RAPH1: variants seen among roughly 807,000 people sequenced by gnomAD.
RAPH1 encodes ras-associated and pleckstrin homology domains-containing protein 1.
Under a neutral mutation model 88.1 loss-of-function variants are expected in RAPH1, and 18 were observed. The observed-to-expected ratio is 0.20, with a 90% CI of 0.14 to 0.30. The LOEUF (loss-of-function observed/expected upper bound fraction) is 0.30. Ranked by LOEUF, RAPH1 falls within the 10% of genes least tolerant of loss-of-function variation. RAPH1 has a pLI of 1.00. For synonymous variants in RAPH1, 587 were observed against 559.0 expected (o/e 1.05, Z -0.71); for missense variants, 1,448 against 1,543.2 (o/e 0.94, Z 1.03).
At chr2:203,495,506 T>G (rs1387466204) in intron 1 of RAPH1, among the ~76,000 whole-genome samples, 153 bp from the exon 2 acceptor site, 1 of 152,228 alleles carries the variant, frequency 6.6e-6, no homozygotes, top group Admixed American at 6.5e-5. Context: ...AAGTCATTAA[T>G]GGAGACAGTG....
chr2:203,440,741 G>C lies in RAPH1; in HGVS notation c.2449C>G (p.Pro817Ala). Residue 817 changes from proline (P) to alanine (A), a missense_variant, in exon 14 of 14, where the codon CCA becomes GCA. Pro to Ala is a conservative substitution (Grantham distance 27). Transcript: ENST00000319170. ...GGAATGTAAGAAGCAGGGAAAGCTG[G>C]CTGCTTTTTTGCTGGGGGCACTGGA... The part of the protein sequence containing the change: ...TPPVPPAKKQ[P>A]AFPASYIPPS... The C allele has an allele frequency of 1.2e-6, 2 of 1,610,030 alleles. No individual in the cohort carries two copies. Among genetic ancestry groups the C allele is most frequent in the Non-Finnish European group, 8.5e-7 (1 of 1,177,718 alleles).
intron 10 of RAPH1, among the ~76,000 whole-genome samples, chr2:203,451,067 A>C (rs1047089013): frequency 1.5e-4 from 23 of 152,308 alleles, no homozygotes; most frequent in Middle Eastern, 3.4e-3. Context: ...CTAGTTTAAA[A>C]TTCCTTTTAG....
chr2:203,455,327 C>T, intron 9 of RAPH1, 110 bp downstream of exon 9: 3 of 1,018,328 alleles, frequency 2.9e-6, no homozygotes, highest in Non-Finnish European at 4.3e-6. Context: ...TCTATGTCTT[C>T]CACGAACTGA....
chr2:203,525,491 A>G (rs13030374), intron 1 of RAPH1, among the ~76,000 whole-genome samples: 2,082 of 152,242 alleles, frequency 0.014, 20 homozygotes, highest in Non-Finnish European at 0.023. Context: ...CCATATTAAC[A>G]TATTCATACA....
At chr2:203,507,599 T>C (rs1689146512) in intron 1 of RAPH1, among the ~76,000 whole-genome samples, 1 of 152,166 alleles carries the variant, frequency 6.6e-6, no homozygotes, top group African/African-American at 2.4e-5. Context: ...AAAAATGCAG[T>C]ACCTGAATCA....
At position 203,506,893 on chromosome 2, in the gene RAPH1, T is replaced by G. The variant is rs1276273894; in HGVS notation, c.1-11540A>C. ...ATATATATATATAGATATATATATA[T>G]ATATATTTTTTTTTTTTTTGAGATG... On this transcript the variant is annotated intron_variant, in intron 1 of 13. Coordinates refer to ENST00000319170, the MANE Select transcript of RAPH1 (RefSeq NM_213589.3). Among the ~76,000 whole-genome samples the G allele has an allele frequency of 1.6e-3, 167 of 102,988 alleles. 4 individuals are homozygous for G. Among genetic ancestry groups the G allele is most frequent in the Non-Finnish European group, 2.6e-3 (137 of 53,472 alleles). The allele number at this position is 102,988 out of a possible 152,430, so 67.6% of individuals were successfully genotyped here.
At position 203,434,521 on chromosome 2, in the gene RAPH1, TTCCA is replaced by T. The variant is rs1292787742; in HGVS notation, c.*4912_*4915del. On this transcript the variant is annotated 3_prime_UTR_variant, in exon 14 of 14. Coordinates refer to ENST00000319170, the MANE Select transcript of RAPH1 (RefSeq NM_213589.3). Reference sequence around the variant, plus strand: ...AAATGAAGCAAAATTGTTTGAAACATTCCAGTTAATGCTTATTTTCTAGAAGGGG... The same window carrying T: ...AAATGAAGCAAAATTGTTTGAAACATGTTAATGCTTATTTTCTAGAAGGGG... 1.3e-5 allele frequency: 2 copies of T among 151,728 alleles called. No homozygotes were observed. Among genetic ancestry groups the T allele is most frequent in the African/African-American group, 4.9e-5 (2 of 40,978 alleles). 9.4% of individuals were successfully genotyped at this position (151,728 alleles called of 1,614,324 possible).
intron 4 of RAPH1, among the ~76,000 whole-genome samples, chr2:203,470,957 T>C (rs1177532275): frequency 3.3e-5 from 5 of 152,196 alleles, no homozygotes; most frequent in Admixed American, 6.5e-5. Context: ...ATGAACAAAA[T>C]ATTCAGAAGT....
chr2:203,486,254 T>C (rs1329891154), intron 4 of RAPH1, among the ~76,000 whole-genome samples: 2 of 152,222 alleles, frequency 1.3e-5, no homozygotes, highest in Non-Finnish European at 2.9e-5. Flanking sequence ...TTTAAACATA[T>C]ATTCATTCCA....
At chr2:203,452,524 T>TA (rs1318035807) in intron 10 of RAPH1, among the ~76,000 whole-genome samples, 2 of 152,238 alleles carry the variant, frequency 1.3e-5, no homozygotes, top group African/African-American at 4.8e-5. Context: ...AGTATACAAG[T>TA]AATTATGCTT....
At chr2:203,470,439 C>A in intron 4 of RAPH1, 1 of 552,030 alleles carries the variant, frequency 1.8e-6, no homozygotes. Context: ...CATATCTTTT[C>A]CCTAAGTTGA....
Position 203,440,737 on chromosome 2 carries a change from G to A in RAPH1, c.2453C>T (p.Ala818Val), listed in dbSNP as rs1559440739. The A allele has an allele frequency of 5.6e-6, 9 of 1,610,386 alleles. No individual in the cohort carries two copies. Among genetic ancestry groups the A allele is most frequent in the Non-Finnish European group, 7.6e-6 (9 of 1,178,054 alleles). ...GGGTGGAATGTAAGAAGCAGGGAAA[G>A]CTGGCTGCTTTTTTGCTGGGGGCAC... ...PPVPPAKKQP[A>V]FPASYIPPSP... Residue 818 changes from alanine (A) to valine (V), a missense_variant, in exon 14 of 14, where the codon GCT becomes GTT. Ala to Val is a moderately conservative substitution (Grantham distance 64). Coordinates refer to ENST00000319170, the MANE Select transcript of RAPH1 (RefSeq NM_213589.3).
chr2:203,447,893 A>G, intron 12 of RAPH1, 66 bp downstream of exon 12: 1 of 1,521,342 alleles, frequency 6.6e-7, no homozygotes, highest in South Asian at 1.2e-5. Context: ...TTCCAGGTCT[A>G]CTATCAGTCT....
intron 1 of RAPH1, among the ~76,000 whole-genome samples, chr2:203,534,446 C>T (rs1484527452): frequency 4.1e-5 from 6 of 147,508 alleles, no homozygotes; most frequent in African/African-American, 1.2e-4. Flanking sequence ...AAAACCACAT[C>T]TTTCAACCTG....
At chr2:203,502,866 G>T (rs751712857) in intron 1 of RAPH1, among the ~76,000 whole-genome samples, 1 of 146,004 alleles carries the variant, frequency 6.8e-6, no homozygotes, top group African/African-American at 2.5e-5. Flanking sequence ...GAACCAGGCC[G>T]GGCACAGTGG....
intron 4 of RAPH1, among the ~76,000 whole-genome samples, chr2:203,463,643 G>A (rs1272350942): frequency 1.3e-5 from 2 of 152,118 alleles, no homozygotes; most frequent in Non-Finnish European, 2.9e-5. Context: ...ACTCAATTAG[G>A]CAGAAAACAA....
intron 3 of RAPH1, among the ~76,000 whole-genome samples, chr2:203,490,979 G>A (rs768722483): frequency 2.6e-5 from 4 of 151,356 alleles, no homozygotes; most frequent in Non-Finnish European, 5.9e-5. Context: ...GGGAGGCAGA[G>A]GTTGCAGTGA....
chr2:203,487,913 A>G (rs1185284206), intron 4 of RAPH1, among the ~76,000 whole-genome samples: 1 of 152,256 alleles, frequency 6.6e-6, no homozygotes, highest in Non-Finnish European at 1.5e-5. Flanking sequence ...AAATTAATCC[A>G]AAGAATTAAA....
At chr2:203,442,030 C>T in intron 13 of RAPH1, 2 of 1,570,942 alleles carry the variant, frequency 1.3e-6, no homozygotes, top group Non-Finnish European at 1.7e-6. Context: ...CCAACATGCA[C>T]AGAAGTCCAG....
Sources: gnomAD v4.1 joint callset for allele counts (sites outside exome capture counted in the v4.1 genomes callset) on GRCh38, gnomAD v4.1.1 for gene constraint, MANE v1.5 for transcripts, NCBI Gene and HGNC (gene_info 2026-07-23, HGNC 2026-07-21) for gene names.